The following MECR variants were observed in gnomAD, a reference collection of about 807,000 sequenced individuals.
MECR encodes mitochondrial trans-2-enoyl-CoA reductase.
Under a neutral mutation model 49.1 loss-of-function variants are expected in MECR, and 37 were observed. That is an observed-to-expected ratio of 0.75 (90% confidence interval 0.58 to 0.99). The LOEUF (loss-of-function observed/expected upper bound fraction) is 0.99, where lower values mean the gene tolerates loss of function less well. Ranked by LOEUF, MECR falls within the 50% of genes least tolerant of loss-of-function variation. The pLI is 0.00. For missense variants in MECR, 470 were observed against 479.6 expected (o/e 0.98, Z 0.19); for synonymous variants, 198 against 191.1 (o/e 1.04, Z -0.30).
chr1:29,226,234 C>T (rs1558511541), intron 1 of MECR, among the ~76,000 whole-genome samples: 1 of 145,572 alleles, frequency 6.9e-6, no homozygotes, highest in African/African-American at 2.5e-5. Context: ...CCAGCTCCAG[C>T]TTAGTTTCAT....
intron 2 of MECR, 42 bp from the exon 3 acceptor site, chr1:29,216,178 G>C: frequency 6.2e-7 from 1 of 1,610,344 alleles, no homozygotes; most frequent in Non-Finnish European, 8.5e-7. Flanking sequence ...GTGATGTTTG[G>C]GCAGTGAAAG....
downstream of MECR, among the ~76,000 whole-genome samples, chr1:29,189,583 T>G (rs1673085026): frequency 6.6e-6 from 1 of 152,202 alleles, no homozygotes; most frequent in Non-Finnish European, 1.5e-5. Flanking sequence ...AGTCCAATTC[T>G]CTTTTGGCAC....
At chr1:29,171,693 G>C in the MECR span, 2 of 152,136 alleles carry the variant, frequency 1.3e-5, no homozygotes, top group African/African-American at 2.4e-5. Context: ...CTTCTGAGGA[G>C]CTCAAAGTAA....
the MECR span, chr1:29,182,035 G>C: frequency 3.0e-5 from 9 of 303,428 alleles, no homozygotes; most frequent in Admixed American, 3.7e-4. Flanking sequence ...CGTGCGGCGG[G>C]GCAAGGTGAT....
chr1:29,228,046 G>A (rs1316774481), intron 1 of MECR, among the ~76,000 whole-genome samples: 1 of 152,040 alleles, frequency 6.6e-6, no homozygotes, highest in African/African-American at 2.4e-5. Flanking sequence ...TACCTCAGGA[G>A]TGGGGCCTAG....
the MECR span, chr1:29,172,042 T>A: frequency 1.3e-5 from 2 of 151,892 alleles, no homozygotes; most frequent in Non-Finnish European, 2.9e-5. Context: ...TCTCTTGGCA[T>A]TGATTTTTCA....
chr1:29,213,303 T>A (rs1428263582), intron 3 of MECR, among the ~76,000 whole-genome samples: 1 of 152,218 alleles, frequency 6.6e-6, no homozygotes, highest in Admixed American at 6.5e-5. Context: ...ATGGCTGAGC[T>A]CCTTCACCGC....
downstream of MECR, among the ~76,000 whole-genome samples, chr1:29,190,824 T>C (rs74224169): frequency 7.0e-4 from 104 of 148,476 alleles, 2 homozygotes; most frequent in East Asian, 0.018. Context: ...AAAAAGAGGT[T>C]CCTAAGAAAC....
At chr1:29,180,635 C>T in the MECR span, among the ~76,000 whole-genome samples, 1 of 152,132 alleles carries the variant, frequency 6.6e-6, no homozygotes, top group East Asian at 1.9e-4. Flanking sequence ...TTCTCTAACA[C>T]CCAAGGTTTA....
rs537418621 is a variant in MECR, at chr1:29,223,766, T to C, written c.176+6965A>G. ...ATTGTTCTGGGATTTGACTAATAAT[T>C]AATAAGCAGGGCACAACTAGGCAAT... On this transcript the variant is annotated intron_variant, in intron 1 of 9. Coordinates refer to ENST00000263702, the MANE Select transcript of MECR (RefSeq NM_016011.5). Among the ~76,000 whole-genome samples the C allele has an allele frequency of 4.6e-5, 7 of 152,252 alleles. No individual in the cohort carries two copies. The South Asian group carries it at 1.4e-3, about 32-fold the overall frequency.
Position 29,195,932 on chromosome 1 carries a change from T to C in MECR, c.964+9A>G. The C allele has an allele frequency of 1.2e-6, 2 of 1,614,160 alleles. No homozygotes were observed. Among genetic ancestry groups the C allele is most frequent in the East Asian group, 2.2e-5 (1 of 44,880 alleles). ...ATCTGTGACTCTTGGCACTGGGCCATGCACTCACCTGGACTGTGATCCTTC... is the reference window on the plus strand; with the variant it reads ...ATCTGTGACTCTTGGCACTGGGCCACGCACTCACCTGGACTGTGATCCTTC... On this transcript the variant is annotated intron_variant, in intron 9 of 9. Coordinates refer to ENST00000263702, the MANE Select transcript of MECR (RefSeq NM_016011.5).
chr1:29,200,132 A>T (rs559189227), intron 7 of MECR, among the ~76,000 whole-genome samples: 7 of 152,338 alleles, frequency 4.6e-5, no homozygotes, highest in Admixed American at 3.3e-4. Context: ...TAATAAGCAT[A>T]ATGTTACCTT....
In MECR at chr1:29,199,462, C is replaced by T. The variant is rs529193740; in HGVS notation, c.830+1054G>A. ...CAGGATGGTCTCGATCTCCTGATCT[C>T]GTGATCTGCCCGCCTCAGCCTCCCA... On this transcript the variant is annotated intron_variant, in intron 7 of 9. Coordinates refer to ENST00000263702, the MANE Select transcript of MECR (RefSeq NM_016011.5). Among the ~76,000 whole-genome samples, 7 of 151,550 alleles carry T rather than the reference C, an allele frequency of 4.6e-5. No individual in the cohort carries two copies. The South Asian group carries it at 1.3e-3, about 27-fold the overall frequency.
chr1:29,194,139 G>C lies in MECR; in HGVS notation c.1005C>G (p.Ile335Met). Residue 335 changes from isoleucine to methionine, a missense_variant, in exon 10 of 10, where the codon ATC (isoleucine) becomes ATG (methionine). Ile to Met is a conservative substitution (Grantham distance 10). Coordinates refer to ENST00000263702, the MANE Select transcript of MECR (RefSeq NM_016011.5). Reference protein sequence around the residue: ...KELILTLCDLIRRGQLTAPAC... With the variant: ...KELILTLCDLMRRGQLTAPAC... ...CAGGGGCTGTGAGCTGGCCTCGGCG[G>C]ATGAGATCGCACAGTGTGAGGATCA... 6.2e-7 allele frequency: 1 copy of C among 1,613,826 alleles called. No individual in the cohort carries two copies.
intron 5 of MECR, 92 bp downstream of exon 5, chr1:29,203,039 G>T (rs1272207356): frequency 1.7e-5 from 17 of 1,015,162 alleles, no homozygotes; most frequent in Non-Finnish European, 1.4e-6. Flanking sequence ...CTTATGCAAG[G>T]GCGCCCTCTG....
chr1:29,182,629 C>T, the MECR span, among the ~76,000 whole-genome samples: 6 of 152,066 alleles, frequency 3.9e-5, no homozygotes, highest in Non-Finnish European at 8.8e-5. Flanking sequence ...CTGCAACCTC[C>T]GCCTCCCGGG....
chr1:29,194,373 G>A (rs552029651), intron 9 of MECR, among the ~76,000 whole-genome samples, 194 bp from the exon 10 acceptor site: 3 of 152,290 alleles, frequency 2.0e-5, no homozygotes, highest in African/African-American at 7.2e-5. Context: ...AGGTCAAGGT[G>A]GGGAGAGGGG....
At position 29,216,156 on chromosome 1, in the gene MECR, A is replaced by C. The variant is rs1183490804; in HGVS notation, c.275-20T>G. 1 of 1,613,166 alleles carries C rather than the reference A, an allele frequency of 6.2e-7. No individual in the cohort carries two copies. Among genetic ancestry groups the C allele is most frequent in the Non-Finnish European group, 8.5e-7 (1 of 1,179,378 alleles). On this transcript the variant is annotated intron_variant, in intron 2 of 9. Transcript: ENST00000263702. ...AGTTTCCTGAGGGAGAAGAGCATTA[A>C]AGGGTCAACCAGTGATGTTTGGGCA...
the MECR span, among the ~76,000 whole-genome samples, chr1:29,179,309 G>C: frequency 6.6e-6 from 1 of 151,988 alleles, no homozygotes; most frequent in Admixed American, 6.6e-5. Flanking sequence ...CACCAATTAT[G>C]ACATTAAAAA....
Sources: allele counts gnomAD v4.1 joint callset (sites outside exome capture counted in the v4.1 genomes callset), GRCh38; gene constraint gnomAD v4.1.1; transcripts MANE v1.5; gene names NCBI Gene and HGNC (gene_info 2026-07-23, HGNC 2026-07-21).